The following EVA1C variants were observed in gnomAD, a reference collection of about 807,000 sequenced individuals.
EVA1C encodes eva-1 homolog C.
In EVA1C, 25 loss-of-function variants were observed where a neutral mutation model predicts 45.4. That is an observed-to-expected ratio of 0.55 (90% CI 0.40 to 0.77). The LOEUF is 0.77. EVA1C is among the 30% of genes least tolerant of loss of function. The probability of loss-of-function intolerance (pLI) is 0.00; values close to 1 mark genes in which losing one functional copy is unlikely to be tolerated. For missense variants in EVA1C, 479 were observed against 554.8 expected (o/e 0.86, Z 1.37); for synonymous variants, 190 against 221.2 (o/e 0.86, Z 1.25).
chr21:32,421,766 G>A (rs913381685), intron 1 of EVA1C, among the ~76,000 whole-genome samples: 1 of 152,192 alleles, frequency 6.6e-6, no homozygotes, highest in African/African-American at 2.4e-5. Context: ...ATCTAGGTCT[G>A]GGCATGGTGG....
intron 4 of EVA1C, among the ~76,000 whole-genome samples, chr21:32,481,778 G>A (rs1376978870): frequency 6.6e-6 from 1 of 152,042 alleles, no homozygotes; most frequent in Non-Finnish European, 1.5e-5. Context: ...AATCGATAAG[G>A]GAGAATAAAA....
chr21:32,505,427 G>A (rs564507551), intron 7 of EVA1C, among the ~76,000 whole-genome samples: 14 of 152,186 alleles, frequency 9.2e-5, no homozygotes, highest in Non-Finnish European at 1.8e-4. Context: ...GGAGCTTCTT[G>A]GAGAAAAGCC....
Position 32,457,641 on chromosome 21 carries a change from G to C in EVA1C, c.402G>C (p.Leu134=), listed in dbSNP as rs140378968. The change falls in exon 3 of 8, where the codon CTG becomes CTC. Residue 134 remains leucine (L), a synonymous_variant. Transcript: ENST00000300255. ...AGAACCAGCGGGCCTGCCACCTCCT[G>C]GTCAATAGCCGTGTTTTTGGACCTG... ...ECQNQRACHL[L]VNSRVFGPDL... The C allele has an allele frequency of 1.9e-6, 3 of 1,614,134 alleles. No individual in the cohort carries two copies. Among genetic ancestry groups the C allele is most frequent in the Non-Finnish European group, 2.5e-6 (3 of 1,179,998 alleles).
At chr21:32,500,257 G>C (rs2037485962) in intron 5 of EVA1C, among the ~76,000 whole-genome samples, 1 of 143,160 alleles carries the variant, frequency 7.0e-6, no homozygotes. Context: ...GAGTGCAGTG[G>C]CACAATCTCA....
chr21:32,501,310 G>C, intron 5 of EVA1C, 105 bp from the exon 6 acceptor site: 1 of 988,816 alleles, frequency 1.0e-6, no homozygotes, highest in Non-Finnish European at 1.5e-6. Context: ...CACTGATTTG[G>C]AAAGTGATTT....
chr21:32,462,221 T>TAA (rs769281297), intron 3 of EVA1C, among the ~76,000 whole-genome samples: 97 of 106,306 alleles, frequency 9.1e-4, no homozygotes, highest in Non-Finnish European at 9.9e-4. Context: ...CCCCTATCTC[T>TAA]AAAAAAAAAA....
intron 1 of EVA1C, among the ~76,000 whole-genome samples, chr21:32,422,208 T>C (rs2833801): frequency 0.58 from 88,109 of 151,958 alleles, 28,672 homozygotes; most frequent in African/African-American, 0.88. Flanking sequence ...AAAAGCCTGA[T>C]GGGTAGGTTG....
At chr21:32,494,048 C>A (rs2037259663) in intron 4 of EVA1C, among the ~76,000 whole-genome samples, 1 of 152,108 alleles carries the variant, frequency 6.6e-6, no homozygotes, top group South Asian at 2.1e-4. Flanking sequence ...GATCTGCCTG[C>A]CTCCGCCTCC....
chr21:32,504,677 G>A (rs1248000799), intron 7 of EVA1C, among the ~76,000 whole-genome samples: 1 of 152,202 alleles, frequency 6.6e-6, no homozygotes, highest in Non-Finnish European at 1.5e-5. Flanking sequence ...GCCTGCCTAT[G>A]TTCAGAGAGA....
chr21:32,501,994 TTCTTTCTTTC>T (rs1647868356), intron 6 of EVA1C, among the ~76,000 whole-genome samples: 1 of 26,074 alleles, frequency 3.8e-5, no homozygotes, highest in African/African-American at 1.3e-4. Flanking sequence ...TTTTCTTTCT[TTCTTTCTTTC>T]TTTCTTTCTT....
At chr21:32,489,134 G>T (rs1432114390) in intron 4 of EVA1C, among the ~76,000 whole-genome samples, 1 of 152,156 alleles carries the variant, frequency 6.6e-6, no homozygotes, top group Non-Finnish European at 1.5e-5. Flanking sequence ...GTTTATTTTT[G>T]CATTTGGTGT....
intron 1 of EVA1C, among the ~76,000 whole-genome samples, chr21:32,418,037 T>TA (rs1198839149): frequency 1.3e-5 from 2 of 152,076 alleles, no homozygotes; most frequent in Non-Finnish European, 2.9e-5. Context: ...CTTCACCCCC[T>TA]ACCCTAGGGC....
intron 3 of EVA1C, among the ~76,000 whole-genome samples, chr21:32,458,727 C>G (rs964681987): frequency 4.6e-5 from 7 of 151,896 alleles, no homozygotes; most frequent in African/African-American, 1.7e-4. Context: ...CTGATCCACC[C>G]GTCTTGGCCT....
At chr21:32,510,306 C>T (rs1406061243) in intron 7 of EVA1C, among the ~76,000 whole-genome samples, 1 of 152,118 alleles carries the variant, frequency 6.6e-6, no homozygotes, top group Non-Finnish European at 1.5e-5. Context: ...CCGCCCACCT[C>T]AGCCTCCCAA....
In EVA1C at chr21:32,443,427, C is replaced by T. The variant is rs113149281; in HGVS notation, c.161-9885C>T. 7.5e-3 allele frequency among the ~76,000 whole-genome samples: 1,146 copies of T among 152,230 alleles called. 11 individuals are homozygous for T. Among genetic ancestry groups the T allele is most frequent in the African/African-American group, 0.026 (1,087 of 41,530 alleles). ...GGCAAGGACCTGTAATTCCCAGCTA[C>T]TTGTGAGGCTGAGGCAGAAGAATCT... On this transcript the variant is annotated intron_variant, in intron 1 of 7. Transcript: ENST00000300255.
In EVA1C at chr21:32,444,549, GC is replaced by G. The variant is rs112879727; in HGVS notation, c.161-8760del. ...CGGAGCTTCTGTGCCCACCGTGGGT[GC>G]CCTGACTTCCAAAAACCTGTACATG... is the stretch of plus-strand genomic sequence containing the variant. On this transcript the variant is annotated intron_variant, in intron 1 of 7. Transcript: ENST00000300255. Among the ~76,000 whole-genome samples, 491 of 152,320 alleles carry G rather than the reference GC, an allele frequency of 3.2e-3. 4 individuals are homozygous for G. The highest frequency in any genetic ancestry group is 0.011 in the African/African-American group (458 of 41,570).
chr21:32,454,322 T>G (rs560453621), intron 2 of EVA1C, among the ~76,000 whole-genome samples: 1 of 152,210 alleles, frequency 6.6e-6, no homozygotes. Flanking sequence ...TTGTAGATAA[T>G]CATGTCATTC....
At chr21:32,513,968 A>T (rs1369825381) in intron 7 of EVA1C, among the ~76,000 whole-genome samples, 1 of 152,208 alleles carries the variant, frequency 6.6e-6, no homozygotes, top group Non-Finnish European at 1.5e-5. Flanking sequence ...ACATGTACAG[A>T]CATTTTTTCT....
intron 1 of EVA1C, among the ~76,000 whole-genome samples, chr21:32,434,317 C>T (rs907290696): frequency 2.4e-5 from 3 of 124,354 alleles, no homozygotes; most frequent in Non-Finnish European, 5.3e-5. Flanking sequence ...ATAGGCCGGG[C>T]GTGGTGGCTC....
Sources: allele counts gnomAD v4.1 joint callset (sites outside exome capture counted in the v4.1 genomes callset), GRCh38; gene constraint gnomAD v4.1.1; transcripts MANE v1.5; gene names NCBI Gene and HGNC (gene_info 2026-07-23, HGNC 2026-07-21).